Variants in PCGF3 observed in about 807,000 individuals in gnomAD.
PCGF3 encodes polycomb group ring finger 3, also known as polycomb group RING finger protein 3.
In PCGF3, 7 loss-of-function variants were observed where a neutral mutation model predicts 33.1. That is an observed-to-expected ratio of 0.21 (90% CI 0.12 to 0.40). The LOEUF is 0.40. Ranked by LOEUF, PCGF3 falls within the 10% of genes least tolerant of loss-of-function variation. The pLI, the probability that PCGF3 is intolerant of heterozygous loss-of-function variation, is 1.00. For synonymous variants in PCGF3, 153 were observed against 121.3 expected, an observed-to-expected ratio of 1.26 and a Z score of -1.72; for missense variants, 211 against 313.3, an observed-to-expected ratio of 0.67 and a Z score of 2.46.
chr4:764,955 G>A lies in PCGF3; in HGVS notation c.601-29G>A, dbSNP rs199745255. 1.9e-4 allele frequency: 295 copies of A among 1,561,368 alleles called. 2 individuals carry two copies. The African/African-American group carries it at 2.0e-3, about 11-fold the overall frequency. On this transcript the variant is annotated intron_variant, in intron 9 of 10. Coordinates refer to ENST00000362003, the Ensembl canonical transcript of PCGF3. The stretch of plus-strand genomic sequence containing the variant: ...GTCAGTGTGGGTTGAGCACCTCTCC[G>A]CTGCTAATCAAACCTCCTTATCCCC...
exon 11 of PCGF3, chr4:769,958 T>G (rs1745555039): frequency 6.5e-6 from 1 of 152,694 alleles, no homozygotes; most frequent in African/African-American, 2.4e-5. Flanking sequence ...TTTGTACTCT[T>G]GGTGGCTAGT....
intron 8 of PCGF3, among the ~76,000 whole-genome samples, chr4:756,162 G>A (rs1426881743): frequency 2.0e-5 from 3 of 150,680 alleles, no homozygotes; most frequent in East Asian, 1.9e-4. Context: ...TGATTCACCC[G>A]CCTCAGCCTC....
rs953395471 is a variant in PCGF3 at position 720,535 on chromosome 4, G to A, written c.-189-10095G>A. ...GAGCCTTGTGCATGGCTGGGAGGAC[G>A]GCAAGGCTGATGTGGACGCAGCCCC... On this transcript the variant is annotated intron_variant, in intron 1 of 10. Coordinates refer to ENST00000362003, the Ensembl canonical transcript of PCGF3. The surrounding 1 kb of genome is among the most constrained non-coding windows in gnomAD (Gnocchi z 5.6). Among the ~76,000 whole-genome samples, 2 of 152,188 alleles carry A rather than the reference G, an allele frequency of 1.3e-5. No homozygotes were observed. The highest frequency in any genetic ancestry group is 6.5e-5 in the Admixed American group (1 of 15,282).
chr4:738,754 C>T (rs944013079), intron 6 of PCGF3, among the ~76,000 whole-genome samples: 7 of 151,814 alleles, frequency 4.6e-5, no homozygotes, highest in East Asian at 1.9e-4. Context: ...AGCTACTCAG[C>T]AGGCTGAGGC....
chr4:714,141 G>A (rs1742701725), intron 1 of PCGF3, among the ~76,000 whole-genome samples: 1 of 152,148 alleles, frequency 6.6e-6, no homozygotes, highest in Non-Finnish European at 1.5e-5. Context: ...AGAAGGCACT[G>A]CCTGTGAGGA....
exon 11 of PCGF3, chr4:768,472 TG>T (rs1362549661): frequency 6.3e-5 from 5 of 79,456 alleles, no homozygotes; most frequent in African/African-American, 2.5e-4. Flanking sequence ...TGGATTCTAT[TG>T]GTTTTTTTTT....
chr4:737,589 G>C (rs1051375255), intron 6 of PCGF3, 68 bp downstream of exon 6: 1 of 1,008,100 alleles, frequency 9.9e-7, no homozygotes, highest in East Asian at 2.4e-5. Flanking sequence ...TGCTCTCCTG[G>C]AAGTTTGGTT....
At chr4:713,346 T>C (rs73221104) in intron 1 of PCGF3, among the ~76,000 whole-genome samples, 1,475 of 78,898 alleles carry the variant, frequency 0.019, 5 homozygotes, top group South Asian at 0.03. Flanking sequence ...GGGCTGTGGC[T>C]TTGTGGGTCC....
At chr4:727,096 AG>A (rs138734395) in intron 1 of PCGF3, among the ~76,000 whole-genome samples, 4,819 of 152,110 alleles carry the variant, frequency 0.032, 133 homozygotes, top group South Asian at 0.089. Flanking sequence ...CTGCGTGGGG[AG>A]GGGTTACGCT....
At chr4:736,039 A>AT (rs1169679428) in intron 5 of PCGF3, among the ~76,000 whole-genome samples, 7 of 151,706 alleles carry the variant, frequency 4.6e-5, no homozygotes, top group Admixed American at 2.6e-4. Context: ...TATTATTATT[A>AT]TTTTTCTTAA....
intron 1 of PCGF3, among the ~76,000 whole-genome samples, chr4:710,159 C>G (rs1742504758): frequency 6.6e-6 from 1 of 152,208 alleles, no homozygotes; most frequent in Admixed American, 6.5e-5. Context: ...CTTACTGTTT[C>G]TGTGGGTTGG....
intron 1 of PCGF3, among the ~76,000 whole-genome samples, chr4:711,392 C>T (rs1253830946): frequency 1.3e-5 from 2 of 151,458 alleles, no homozygotes; most frequent in Admixed American, 1.3e-4. Context: ...ATTTTGTTTG[C>T]AGCCTTATTT....
chr4:749,610 C>T (rs1278753789), intron 8 of PCGF3, among the ~76,000 whole-genome samples: 1 of 149,664 alleles, frequency 6.7e-6, no homozygotes, highest in South Asian at 2.1e-4. Flanking sequence ...CTTCAGCCTC[C>T]TAAGTAGCTG....
Position 737,463 on chromosome 4 carries a change from C to T in PCGF3, c.207-3C>T, listed in dbSNP as rs767495647. The T allele has an allele frequency of 6.9e-6, 11 of 1,600,542 alleles. No individual in the cohort carries two copies. The South Asian group carries it at 1.2e-4, about 18-fold the overall frequency. ...TAACTCCACCTTTCTGTTCTTTTGC[C>T]AGTCATGACAGAACCATGCAAGATA... is the stretch of plus-strand genomic sequence containing the variant. On this transcript the variant is annotated splice_region_variant and splice_polypyrimidine_tract_variant and intron_variant, in intron 5 of 10. Transcript: ENST00000362003.
intron 8 of PCGF3, among the ~76,000 whole-genome samples, chr4:748,741 G>A (rs1402172859): frequency 6.6e-6 from 1 of 152,168 alleles, no homozygotes; most frequent in Non-Finnish European, 1.5e-5. Flanking sequence ...TCCTCTGTTG[G>A]TGGCTTGGCG....
chr4:757,916 C>G (rs1274895845), intron 8 of PCGF3, among the ~76,000 whole-genome samples: 3 of 152,048 alleles, frequency 2.0e-5, no homozygotes, highest in Non-Finnish European at 4.4e-5. Context: ...CGCCTGTAAT[C>G]CTAGCACTTT....
chr4:715,722 T>A (rs1355353178), intron 1 of PCGF3, among the ~76,000 whole-genome samples: 2 of 67,258 alleles, frequency 3.0e-5, no homozygotes, highest in Non-Finnish European at 6.4e-5. Context: ...AGACACTGAG[T>A]GTGAGAACTG....
At chr4:734,425 T>C (rs998817907) in intron 4 of PCGF3, 3 of 1,314,354 alleles carry the variant, frequency 2.3e-6, no homozygotes, top group Non-Finnish European at 2.9e-6. Flanking sequence ...ATAATACAAG[T>C]GATGCTTGTG....
chr4:737,611 G>C (rs1009401955), intron 6 of PCGF3, 90 bp downstream of exon 6: 4 of 808,432 alleles, frequency 4.9e-6, no homozygotes, highest in African/African-American at 3.4e-5. Flanking sequence ...TCGGATGGGA[G>C]GCCCCTTTCC....
Sources: allele counts gnomAD v4.1 joint callset (sites outside exome capture counted in the v4.1 genomes callset), GRCh38; gene constraint gnomAD v4.1.1; non-coding constraint Gnocchi (gnomAD v3.1); transcripts MANE v1.5; gene names NCBI Gene and HGNC (gene_info 2026-07-23, HGNC 2026-07-21).